The following USH2A variants were observed in gnomAD, a reference collection of about 807,000 sequenced individuals.
USH2A encodes Usher syndrome 2A (autosomal recessive, mild).
USH2A carries 443 observed loss-of-function variants against 538.9 expected under a neutral mutation model. The observed-to-expected ratio is 0.82, with a 90% confidence interval of 0.76 to 0.89. The LOEUF (loss-of-function observed/expected upper bound fraction) is 0.89, where lower values mean the gene tolerates loss of function less well. Ranked by LOEUF, USH2A falls within the 40% of genes least tolerant of loss-of-function variation. The pLI is 0.00. For missense variants in USH2A, 6,633 were observed against 6,324.8 expected, an observed-to-expected ratio of 1.05 and a Z score of -1.65; for synonymous variants, 2,413 against 2,273.5, an observed-to-expected ratio of 1.06 and a Z score of -1.75.
intron 9 of USH2A, among the ~76,000 whole-genome samples, chr1:216,295,353 A>T (rs2037083847): frequency 6.6e-6 from 1 of 151,818 alleles, no homozygotes; most frequent in South Asian, 2.1e-4. Flanking sequence ...TTAATAGTAA[A>T]TAAAGCCAAG....
intron 9 of USH2A, among the ~76,000 whole-genome samples, chr1:216,301,593 C>T (rs1183501380): frequency 6.6e-6 from 1 of 152,056 alleles, no homozygotes; most frequent in Admixed American, 6.6e-5. Context: ...ACAGCAAAGC[C>T]CTAGAAACCA....
chr1:216,231,984 G>C lies in USH2A; in HGVS notation c.2962C>G (p.His988Asp). The change falls in exon 14 of 72, where the codon CAT becomes GAT. Residue 988 changes from histidine (H) to aspartate (D), a missense_variant. By Grantham distance (81) the His-to-Asp change is moderately conservative. Coordinates refer to ENST00000307340, the MANE Select transcript of USH2A (RefSeq NM_206933.4). Reference protein sequence around the residue: ...AGQRCDQCKDHYFGFDPQTGR... With the variant: ...AGQRCDQCKDDYFGFDPQTGR... ...GTCTGAGGATCAAATCCAAAGTAAT[G>C]GTCTTTGCATTGGTCACAACGTTGC... 1 of 1,614,020 alleles carries C rather than the reference G, an allele frequency of 6.2e-7. No individual in the cohort carries two copies. The highest frequency in any genetic ancestry group is 8.5e-7 in the Non-Finnish European group (1 of 1,179,896).
At chr1:215,705,688 A>G (rs1406577810) in intron 61 of USH2A, among the ~76,000 whole-genome samples, 1 of 152,214 alleles carries the variant, frequency 6.6e-6, no homozygotes, top group African/African-American at 2.4e-5. Flanking sequence ...CTTGGTCACA[A>G]CACTAATGGG....
intron 21 of USH2A, among the ~76,000 whole-genome samples, chr1:216,117,945 T>G (rs1387319352): frequency 2.6e-5 from 4 of 151,966 alleles, no homozygotes; most frequent in Non-Finnish European, 5.9e-5. Flanking sequence ...AGGAGTCATT[T>G]TGTTAAGATA....
chr1:215,654,328 C>T (rs183734338), intron 64 of USH2A, among the ~76,000 whole-genome samples: 9 of 152,304 alleles, frequency 5.9e-5, no homozygotes, highest in African/African-American at 2.2e-4. Context: ...CCAGCCTCCA[C>T]CCTCTTACAG....
intron 62 of USH2A, among the ~76,000 whole-genome samples, chr1:215,679,607 A>G (rs2102671165): frequency 6.6e-6 from 1 of 152,362 alleles, no homozygotes. Context: ...GGGCTGGCAG[A>G]GCTTGAGATA....
At chr1:216,029,108 T>C (rs1313917051) in intron 32 of USH2A, among the ~76,000 whole-genome samples, 1 of 152,122 alleles carries the variant, frequency 6.6e-6, no homozygotes, top group Non-Finnish European at 1.5e-5. Context: ...GAATGAATAA[T>C]GCATTAATAT....
chr1:215,958,178 TG>T (rs929458178), intron 37 of USH2A, among the ~76,000 whole-genome samples: 12 of 152,268 alleles, frequency 7.9e-5, no homozygotes, highest in Non-Finnish European at 1.8e-4. Flanking sequence ...CAGTATATTC[TG>T]GGGAGAAAAG....
intron 38 of USH2A, among the ~76,000 whole-genome samples, chr1:215,914,321 G>T (rs1459804118): frequency 6.6e-6 from 1 of 151,798 alleles, no homozygotes; most frequent in Non-Finnish European, 1.5e-5. Flanking sequence ...GTTTTTCCAA[G>T]AAGTTTTCAT....
intron 54 of USH2A, 95 bp downstream of exon 54, chr1:215,781,947 T>C (rs1571681194): frequency 1.3e-6 from 2 of 1,548,460 alleles, no homozygotes; most frequent in East Asian, 4.5e-5. Flanking sequence ...GGAGGGACAT[T>C]GTTTTCTTCA....
intron 21 of USH2A, among the ~76,000 whole-genome samples, chr1:216,128,724 G>T (rs1425876867): frequency 1.3e-5 from 2 of 151,986 alleles, no homozygotes; most frequent in Non-Finnish European, 2.9e-5. Flanking sequence ...ATCACCCCAA[G>T]CAAGCATCAT....
intron 47 of USH2A, among the ~76,000 whole-genome samples, chr1:215,821,725 T>C (rs1663022195): frequency 6.6e-6 from 1 of 151,796 alleles, no homozygotes. Context: ...CTTTCTTCTA[T>C]TGGTTTTACA....
chr1:216,045,256 T>C (rs1485306155), intron 32 of USH2A, among the ~76,000 whole-genome samples: 1 of 152,126 alleles, frequency 6.6e-6, no homozygotes, highest in Non-Finnish European at 1.5e-5. Context: ...ACATACAGTA[T>C]ATAAAATAAT....
chr1:215,859,309 A>G, intron 44 of USH2A, among the ~76,000 whole-genome samples: 1 of 152,010 alleles, frequency 6.6e-6, no homozygotes, highest in East Asian at 1.9e-4. Context: ...CCGAGGCGGG[A>G]GGATCACGAA....
At position 215,625,718 on chromosome 1, in the gene USH2A, A is replaced by C; in HGVS notation, c.*63T>G. The C allele has an allele frequency of 1.4e-6, 2 of 1,455,512 alleles. No individual in the cohort carries two copies. Among genetic ancestry groups the C allele is most frequent in the Non-Finnish European group, 1.9e-6 (2 of 1,035,596 alleles). 90.2% of individuals were successfully genotyped at this position (1,455,512 alleles called of 1,614,324 possible). ...TCAGCATTTATGATGTGTGAGTGAT[A>C]ACCCAGGAGGAAATGGGTGCAGACC... On this transcript the variant is annotated 3_prime_UTR_variant, in exon 72 of 72. Transcript: ENST00000307340.
At chr1:216,212,356 A>G (rs2035258639) in intron 15 of USH2A, among the ~76,000 whole-genome samples, 1 of 152,164 alleles carries the variant, frequency 6.6e-6, no homozygotes, top group African/African-American at 2.4e-5. Context: ...TTTGAGAATA[A>G]TATTATTAAA....
At chr1:215,956,620 G>T (rs1245224530) in intron 37 of USH2A, among the ~76,000 whole-genome samples, 1 of 152,018 alleles carries the variant, frequency 6.6e-6, no homozygotes, top group Non-Finnish European at 1.5e-5. Context: ...GGCTCTGTGG[G>T]CTGCATATCC....
intron 47 of USH2A, among the ~76,000 whole-genome samples, chr1:215,830,870 C>G (rs1663294947): frequency 2.0e-5 from 3 of 152,168 alleles, no homozygotes; most frequent in Admixed American, 1.3e-4. Context: ...ACTGTAGTCA[C>G]TGGCAAAGGA....
chr1:215,812,930 C>T (rs1662736957), intron 49 of USH2A, among the ~76,000 whole-genome samples: 1 of 152,142 alleles, frequency 6.6e-6, no homozygotes, highest in African/African-American at 2.4e-5. Context: ...AGTTCTTTCA[C>T]TTCTATGCAC....
Sources: allele counts gnomAD v4.1 joint callset (sites outside exome capture counted in the v4.1 genomes callset), GRCh38; gene constraint gnomAD v4.1.1; transcripts MANE v1.5; gene names NCBI Gene and HGNC (gene_info 2026-07-23, HGNC 2026-07-21).